Variants in MKX observed in about 807,000 individuals in gnomAD.
The protein encoded by MKX is homeobox protein Mohawk.
MKX carries 13 observed loss-of-function variants against 36.0 expected under a neutral mutation model. The ratio of observed to expected loss-of-function variants is 0.36; its 90% CI spans 0.24 to 0.57. The LOEUF (loss-of-function observed/expected upper bound fraction) is 0.57. Among genes scored for constraint, MKX ranks in the 20% least tolerant of loss-of-function variants. The pLI, the probability that MKX is intolerant of heterozygous loss-of-function variation, is 0.79. For synonymous variants in MKX, 176 were observed against 178.3 expected (o/e 0.99, Z 0.10); for missense variants, 458 against 456.4 (o/e 1.00, Z -0.03).
intron 5 of MKX, among the ~76,000 whole-genome samples, chr10:27,723,930 C>T (rs1834432290): frequency 6.6e-6 from 1 of 152,142 alleles, no homozygotes; most frequent in Non-Finnish European, 1.5e-5. Flanking sequence ...AATACACAGG[C>T]AACTATGTGA....
chr10:27,675,488 A>T, intron 6 of MKX, 33 bp downstream of exon 6: 1 of 1,614,170 alleles, frequency 6.2e-7, no homozygotes. Flanking sequence ...ATCGCTGAAA[A>T]GCAGGAACGG....
rs141853597 is a variant in MKX, at chr10:27,692,814, G to A, written c.839-17260C>T. On this transcript the variant is annotated intron_variant, in intron 5 of 6. Transcript: ENST00000419761. ...CACTGACATAGTGATGAGGTTTTAT[G>A]AACAGAGTATTTGGTTATTTTTAGT... Among the ~76,000 whole-genome samples the A allele has an allele frequency of 2.8e-3, 427 of 152,330 alleles. 4 individuals carry two copies. The highest frequency in any genetic ancestry group is 9.9e-3 in the African/African-American group (410 of 41,578).
chr10:27,709,525 C>A (rs1233971287), intron 5 of MKX, among the ~76,000 whole-genome samples: 1 of 152,122 alleles, frequency 6.6e-6, no homozygotes, highest in Non-Finnish European at 1.5e-5. Flanking sequence ...GCACTGATTT[C>A]TGGTAGGACT....
chr10:27,678,293 GA>G (rs939424219), intron 5 of MKX, among the ~76,000 whole-genome samples: 8 of 151,146 alleles, frequency 5.3e-5, no homozygotes, highest in East Asian at 1.9e-4. Flanking sequence ...TTTTACAGAG[GA>G]AAAAAAAATG....
intron 5 of MKX, among the ~76,000 whole-genome samples, chr10:27,677,849 G>C (rs1299340502): frequency 6.6e-6 from 1 of 152,198 alleles, no homozygotes; most frequent in East Asian, 1.9e-4. Flanking sequence ...GGGATCCTTT[G>C]GGGGAAATAA....
At position 27,741,512 on chromosome 10, in the gene MKX, A is replaced by C; in HGVS notation, c.189-8T>G. On this transcript the variant is annotated splice_polypyrimidine_tract_variant and splice_region_variant and intron_variant, in intron 2 of 6. Transcript: ENST00000419761. The surrounding 1 kb of genome is among the most constrained non-coding windows in gnomAD (Gnocchi z 5.1). ...CCGCCATTCTGCCGGGCGCTGGGAC[A>C]TGGGGAGAGGAGGCGGCCCTGGTGA... 1 of 1,583,920 alleles carries C rather than the reference A, an allele frequency of 6.3e-7. No individual in the cohort carries two copies. Among genetic ancestry groups the C allele is most frequent in the Non-Finnish European group, 8.6e-7 (1 of 1,168,142 alleles).
Position 27,675,141 on chromosome 10 carries a change from T to A in MKX, c.*88A>T. On this transcript the variant is annotated 3_prime_UTR_variant, in exon 7 of 7. Transcript: ENST00000419761. ...AAATAAGAAGAGGTTTGGGAGAGAG[T>A]CATTTTCATCCCTGCTTCGGCTCTT... 1 of 1,266,790 alleles carries A rather than the reference T, an allele frequency of 7.9e-7. No individual in the cohort carries two copies. The highest frequency in any genetic ancestry group is 1.1e-6 in the Non-Finnish European group (1 of 909,394). 78.5% of individuals were successfully genotyped at this position (1,266,790 alleles called of 1,614,324 possible). A position where few individuals can be genotyped will look rare whatever the true frequency, so the allele number is the denominator to read the frequency against.
intron 5 of MKX, among the ~76,000 whole-genome samples, chr10:27,728,164 C>A (rs1834535606): frequency 6.6e-6 from 1 of 152,156 alleles, no homozygotes; most frequent in Non-Finnish European, 1.5e-5. Flanking sequence ...AAGCTTAATT[C>A]TTTCACTAAA....
Position 27,735,330 on chromosome 10 carries a change from G to T in MKX, c.393C>A (p.Thr131=). ...FANARRRLKN[T]VRQPDLSWAL... ...CCCAGCTTAAATCTGGCTGTCGAAC[G>T]GTATTCTTAAGCCGACGTCTTGCAT... The change falls in exon 4 of 7, where the codon ACC becomes ACA. Residue 131 remains threonine, a synonymous_variant. Transcript: ENST00000419761. 1.2e-6 allele frequency: 2 copies of T among 1,613,566 alleles called. No homozygotes were observed. Among genetic ancestry groups the T allele is most frequent in the Non-Finnish European group, 1.7e-6 (2 of 1,179,758 alleles).
At chr10:27,699,216 C>T (rs1182488454) in intron 5 of MKX, among the ~76,000 whole-genome samples, 1 of 152,138 alleles carries the variant, frequency 6.6e-6, no homozygotes, top group Non-Finnish European at 1.5e-5. Context: ...TCTACTAATC[C>T]ATCTTTTACC....
rs2132480842 is a variant in MKX at position 27,675,079 on chromosome 10, T to C, written c.*150A>G. 2 of 625,256 alleles carry C rather than the reference T, an allele frequency of 3.2e-6. No individual in the cohort carries two copies. Among genetic ancestry groups the C allele is most frequent in the East Asian group, 5.8e-5 (2 of 34,244 alleles). 38.7% of individuals were successfully genotyped at this position (625,256 alleles called of 1,614,324 possible). On this transcript the variant is annotated 3_prime_UTR_variant, in exon 7 of 7. Coordinates refer to ENST00000419761, the MANE Select transcript of MKX (RefSeq NM_173576.3). Reference sequence around the variant, plus strand: ...AGTTTTTTATAATTTATATGTCTTTTATAGAAGCAACTAAATGATATATTT... The same window carrying C: ...AGTTTTTTATAATTTATATGTCTTTCATAGAAGCAACTAAATGATATATTT...
chr10:27,709,335 G>A lies in MKX; in HGVS notation c.838+25121C>T, dbSNP rs187334409. Among the ~76,000 whole-genome samples the A allele has an allele frequency of 4.4e-3, 672 of 152,216 alleles. 6 individuals carry two copies. Among genetic ancestry groups the A allele is most frequent in the African/African-American group, 0.016 (646 of 41,518 alleles). ...AGAGATGATTTAAAGGATACAGGGG[G>A]ATGCGTGCAGGTCACATGCAAATAC... On this transcript the variant is annotated intron_variant, in intron 5 of 6. Transcript: ENST00000419761.
At chr10:27,735,962 T>C (rs1834761764) in intron 3 of MKX, among the ~76,000 whole-genome samples, 1 of 152,102 alleles carries the variant, frequency 6.6e-6, no homozygotes, top group African/African-American at 2.4e-5. Context: ...GGTAGTGCAT[T>C]TGGGGAAGGA....
At chr10:27,736,383 CT>C (rs34022202) in intron 3 of MKX, among the ~76,000 whole-genome samples, 139,745 of 151,830 alleles carry the variant, frequency 0.92, 64,314 homozygotes, top group East Asian at 1. Flanking sequence ...TACTTCCATT[CT>C]TTTTTTTTTA....
chr10:27,704,311 A>C (rs1836712916), intron 5 of MKX, among the ~76,000 whole-genome samples: 1 of 152,172 alleles, frequency 6.6e-6, no homozygotes, highest in African/African-American at 2.4e-5. Context: ...AAAGTAACAA[A>C]AGCATTTTTT....
chr10:27,681,725 A>T (rs1223508395), intron 5 of MKX, among the ~76,000 whole-genome samples: 2 of 151,828 alleles, frequency 1.3e-5, no homozygotes, highest in East Asian at 3.9e-4. Flanking sequence ...TTCGAAACCA[A>T]TCTGGCCAAC....
chr10:27,727,972 C>T (rs1037628147), intron 5 of MKX, among the ~76,000 whole-genome samples: 26 of 152,166 alleles, frequency 1.7e-4, no homozygotes, highest in African/African-American at 5.5e-4. Flanking sequence ...ATGTGAAATA[C>T]CTCATTCCCA....
chr10:27,679,312 G>GT (rs1342332249), intron 5 of MKX, among the ~76,000 whole-genome samples: 1 of 151,760 alleles, frequency 6.6e-6, no homozygotes, highest in African/African-American at 2.4e-5. Context: ...AAGTAATGGA[G>GT]AATAGTGTGA....
chr10:27,682,984 G>GA (rs780669941), intron 5 of MKX, among the ~76,000 whole-genome samples: 85 of 133,918 alleles, frequency 6.3e-4, no homozygotes, highest in East Asian at 1.3e-3. Context: ...ACTCGGTCTC[G>GA]AAAAAAAAAA....
Sources: gnomAD v4.1 joint callset for allele counts (sites outside exome capture counted in the v4.1 genomes callset) on GRCh38, gnomAD v4.1.1 for gene constraint, Gnocchi (gnomAD v3.1) non-coding constraint, MANE v1.5 for transcripts, NCBI Gene and HGNC (gene_info 2026-07-23, HGNC 2026-07-21) for gene names.